BTAF1: variants seen among roughly 807,000 people sequenced by gnomAD.
The protein encoded by BTAF1 is B-TFIID TATA-box binding protein associated factor 1.
BTAF1 carries 38 observed loss-of-function variants against 227.1 expected under a neutral mutation model. The ratio of observed to expected loss-of-function variants is 0.17; its 90% CI spans 0.13 to 0.22. BTAF1 has a LOEUF of 0.22. BTAF1 is among the 10% of genes least tolerant of loss of function. BTAF1 has a pLI of 1.00. For missense variants in BTAF1, 1,598 were observed against 2,204.0 expected (o/e 0.73, Z 5.51); for synonymous variants, 742 against 751.9 (o/e 0.99, Z 0.21).
chr10:91,957,150 A>T, intron 7 of BTAF1, 75 bp from the exon 8 acceptor site: 1 of 1,263,446 alleles, frequency 7.9e-7, no homozygotes, highest in Middle Eastern at 2.5e-4. Context: ...TAGAAATAAA[A>T]TTTATTAAGT....
chr10:91,971,120 G>A (rs1215663967), intron 14 of BTAF1, among the ~76,000 whole-genome samples: 1 of 152,060 alleles, frequency 6.6e-6, no homozygotes, highest in African/African-American at 2.4e-5. Context: ...TGTTTATTGT[G>A]TTTCCTGTAT....
chr10:91,935,704 C>G lies in BTAF1; in HGVS notation c.62C>G (p.Thr21Arg). 1 of 1,613,592 alleles carries G rather than the reference C, an allele frequency of 6.2e-7. No homozygotes were observed. The highest frequency in any genetic ancestry group is 1.1e-5 in the South Asian group (1 of 91,038). The change falls in exon 2 of 38, where the codon ACA becomes AGA. Residue 21 changes from threonine to arginine, a missense_variant. By Grantham distance (71) the Thr-to-Arg change is moderately conservative (BLOSUM62 -1). Transcript: ENST00000265990. ...CTGGATACTGGCACTACTCCTGTTACAAGAAAAGCTGCTGCACAGCAACTT... is the reference window on the plus strand; with the variant it reads ...CTGGATACTGGCACTACTCCTGTTAGAAGAAAAGCTGCTGCACAGCAACTT... The part of the protein sequence containing the change: ...ILLDTGTTPV[T>R]RKAAAQQLGE...
chr10:92,029,141 G>C lies in BTAF1; in HGVS notation c.*208G>C, dbSNP rs1851728165. The stretch of plus-strand genomic sequence containing the variant: ...TTAAATTTAAATGTTAATGTGAAAT[G>C]GTTTAAATTTTACATGCTGAAAAGC... On this transcript the variant is annotated 3_prime_UTR_variant, in exon 38 of 38. Coordinates refer to ENST00000265990, the MANE Select transcript of BTAF1 (RefSeq NM_003972.3). The C allele has an allele frequency of 1.5e-5, 7 of 452,050 alleles. No individual in the cohort carries two copies. Among genetic ancestry groups the C allele is most frequent in the Middle Eastern group, 6.0e-4 (1 of 1,670 alleles). 28.0% of individuals were successfully genotyped at this position (452,050 alleles called of 1,614,324 possible). A position where few individuals can be genotyped will look rare whatever the true frequency, so the allele number is the denominator to read the frequency against.
Position 91,989,319 on chromosome 10 carries a change from G to A in BTAF1, c.2593G>A (p.Val865Met). 6.2e-7 allele frequency: 1 copy of A among 1,614,134 alleles called. No homozygotes were observed. The highest frequency in any genetic ancestry group is 8.5e-7 in the Non-Finnish European group (1 of 1,180,022). The change falls in exon 20 of 38, where the codon GTG (valine) becomes ATG (methionine). Residue 865 changes from valine (V) to methionine (M), a missense_variant. By Grantham distance (21) the Val-to-Met change is conservative. Around this residue, in one of 10 missense-constraint regions of BTAF1, gnomAD observed 425 missense variants for 491.2 expected, o/e 0.87. Coordinates refer to ENST00000265990, the MANE Select transcript of BTAF1 (RefSeq NM_003972.3). ...RVHTFAACAV[V>M]SLQQLPEKLN... is the part of the protein sequence containing the mutation. ...GCATACTTTTGCTGCCTGTGCAGTT[G>A]TGAGCTTGCAGCAGCTTCCGGAGAA...
chr10:92,011,149 A>C lies in BTAF1; in HGVS notation c.4180A>C (p.Arg1394=), dbSNP rs773399691. ...DVVRNDIDFF[R]NIKFNYCILD... ...TGTGAGGAATGACATAGATTTCTTT[A>C]GGTAAGAATTAATTTTTTTTTTAGA... Residue 1394 remains arginine (R), a splice_region_variant and synonymous_variant, in exon 29 of 38, where the codon AGA becomes CGA. Transcript: ENST00000265990. The C allele has an allele frequency of 1.3e-6, 2 of 1,581,222 alleles. No homozygotes were observed. The highest frequency in any genetic ancestry group is 2.4e-5 in the South Asian group (2 of 83,596).
At position 92,014,035 on chromosome 10, in the gene BTAF1, G is replaced by A. The variant is rs11186798; in HGVS notation, c.4584+6G>A. On this transcript the variant is annotated splice_donor_region_variant and intron_variant, in intron 32 of 37. Transcript: ENST00000265990. ...GTACTCTTAGTCCTCTCCAGGTTAG[G>A]AATCTCGTGTTTATCATTGTTAGTG... 84,351 of 1,603,494 alleles carry A rather than the reference G, an allele frequency of 0.053. 2,641 individuals are homozygous for A. Among genetic ancestry groups the A allele is most frequent in the Non-Finnish European group, 0.06 (70,257 of 1,176,732 alleles).
intron 25 of BTAF1, among the ~76,000 whole-genome samples, chr10:92,004,252 A>T (rs1453966688): frequency 6.6e-6 from 1 of 152,056 alleles, no homozygotes; most frequent in African/African-American, 2.4e-5. Flanking sequence ...CTATTTGTCT[A>T]TATATGTTGA....
rs534996559 is a variant in BTAF1 at position 91,945,897 on chromosome 10, A to G, written c.400+3329A>G. Among the ~76,000 whole-genome samples the G allele has an allele frequency of 1.2e-4, 19 of 152,262 alleles. No homozygotes were observed. The East Asian group carries it at 3.5e-3, about 28-fold the overall frequency. On this transcript the variant is annotated intron_variant, in intron 4 of 37. Coordinates refer to ENST00000265990, the MANE Select transcript of BTAF1 (RefSeq NM_003972.3). Reference sequence around the variant, plus strand: ...AACAGCTGCATCATTTTACATTTCTACCAACAGTACACAAGGGTTCCAATT... The same window carrying G: ...AACAGCTGCATCATTTTACATTTCTGCCAACAGTACACAAGGGTTCCAATT...
At chr10:92,013,381 T>C (rs950916975) in intron 30 of BTAF1, among the ~76,000 whole-genome samples, 28 of 152,178 alleles carry the variant, frequency 1.8e-4, no homozygotes, top group African/African-American at 6.8e-4. Flanking sequence ...TTTCTGCTCT[T>C]CTATTTAGTA....
intron 34 of BTAF1, among the ~76,000 whole-genome samples, chr10:92,021,439 A>C (rs139093289): frequency 6.6e-6 from 1 of 152,352 alleles, no homozygotes; most frequent in East Asian, 1.9e-4. Flanking sequence ...AAATAAAACT[A>C]ATAGGATCTT....
At chr10:92,019,682 A>C (rs1850981302) in intron 34 of BTAF1, among the ~76,000 whole-genome samples, 1 of 152,078 alleles carries the variant, frequency 6.6e-6, no homozygotes, top group Non-Finnish European at 1.5e-5. Flanking sequence ...GATTTCTTTT[A>C]ATTATAGTCA....
chr10:91,939,577 G>A (rs527514263), intron 2 of BTAF1, among the ~76,000 whole-genome samples: 43 of 152,216 alleles, frequency 2.8e-4, no homozygotes, highest in African/African-American at 9.6e-4. Flanking sequence ...TAGTCGGGAT[G>A]ACAGGTGTGT....
At chr10:91,982,881 G>A in intron 18 of BTAF1, 120 bp downstream of exon 18, 9 of 1,059,516 alleles carry the variant, frequency 8.5e-6, no homozygotes, top group East Asian at 5.2e-5. Context: ...AAGAGTTACA[G>A]AAAAGTGTCC....
rs536812232 is a variant in BTAF1 at position 91,947,899 on chromosome 10, A to T, written c.401-3504A>T. ...TTTTTCATTTTATACTTGACAGAAT[A>T]CAAGTTGCTATCGTAAATAGAATTG... On this transcript the variant is annotated intron_variant, in intron 4 of 37. Coordinates refer to ENST00000265990, the MANE Select transcript of BTAF1 (RefSeq NM_003972.3). Among the ~76,000 whole-genome samples, 4 of 152,324 alleles carry T rather than the reference A, an allele frequency of 2.6e-5. No individual in the cohort carries two copies. The East Asian group carries it at 5.8e-4, about 22-fold the overall frequency.
intron 9 of BTAF1, 43 bp from the exon 10 acceptor site, chr10:91,959,734 GTGTGTGTA>G (rs1846359715): frequency 2.3e-6 from 1 of 430,364 alleles, no homozygotes; most frequent in African/African-American, 4.2e-5. Flanking sequence ...GTGTGTGTGT[GTGTGTGTA>G]TATATATATA....
In BTAF1 at chr10:91,992,115, T is replaced by C. The variant is rs543299253; in HGVS notation, c.2855-4T>C. ...AAAAGGTTGTTTAACTTTTTTCTTATTAGGATCCACCTCAGAAAAAGATGG... is the reference window on the plus strand; with the variant it reads ...AAAAGGTTGTTTAACTTTTTTCTTACTAGGATCCACCTCAGAAAAAGATGG... On this transcript the variant is annotated splice_region_variant and splice_polypyrimidine_tract_variant and intron_variant, in intron 20 of 37. Coordinates refer to ENST00000265990, the MANE Select transcript of BTAF1 (RefSeq NM_003972.3). 9.0e-6 allele frequency: 14 copies of C among 1,552,706 alleles called. No homozygotes were observed. The African/African-American group carries it at 1.5e-4, about 17-fold the overall frequency.
chr10:91,991,773 A>ATG (rs1241014351), intron 20 of BTAF1, among the ~76,000 whole-genome samples: 132 of 20,902 alleles, frequency 6.3e-3, no homozygotes, highest in African/African-American at 0.017. Context: ...AAAATTATAT[A>ATG]TATGTGTGTG....
At chr10:92,025,441 T>A (rs1397680774) in intron 35 of BTAF1, among the ~76,000 whole-genome samples, 10 of 149,322 alleles carry the variant, frequency 6.7e-5, no homozygotes, top group South Asian at 2.1e-4. Flanking sequence ...TGCTTTTTTT[T>A]TTAAAAAAAA....
At chr10:91,958,069 G>A (rs180913393) in intron 8 of BTAF1, among the ~76,000 whole-genome samples, 2 of 151,924 alleles carry the variant, frequency 1.3e-5, no homozygotes, top group Non-Finnish European at 1.5e-5. Context: ...ATTTTTTTGA[G>A]ATGGAGTCTC....
Sources: gnomAD v4.1 joint callset for allele counts (sites outside exome capture counted in the v4.1 genomes callset) on GRCh38, gnomAD v4.1.1 for gene constraint, gnomAD v4.1.1 regional missense constraint, MANE v1.5 for transcripts, NCBI Gene and HGNC (gene_info 2026-07-23, HGNC 2026-07-21) for gene names.